Variants in FSTL4 observed in about 807,000 individuals in gnomAD.
FSTL4 encodes follistatin-related protein 4.
In FSTL4, 28 loss-of-function variants were observed where a neutral mutation model predicts 78.2. The observed-to-expected ratio is 0.36, with a 90% confidence interval of 0.27 to 0.49. The LOEUF is 0.49. Ranked by LOEUF, FSTL4 falls within the 20% of genes least tolerant of loss-of-function variation. The pLI is 0.98. For synonymous variants in FSTL4, 422 were observed against 440.5 expected (o/e 0.96, Z 0.53); for missense variants, 922 against 1,084.9 (o/e 0.85, Z 2.11).
chr5:133,228,054 C>T (rs1046279460), intron 8 of FSTL4, among the ~76,000 whole-genome samples: 2 of 151,980 alleles, frequency 1.3e-5, no homozygotes, highest in African/African-American at 2.4e-5. Flanking sequence ...TGGCAAAACC[C>T]CACCTCTATC....
intron 6 of FSTL4, among the ~76,000 whole-genome samples, chr5:133,286,759 C>A (rs901009927): frequency 1.3e-5 from 2 of 152,158 alleles, no homozygotes; most frequent in African/African-American, 4.8e-5. Context: ...AGCAGATCAG[C>A]CTTCTTTGCT....
At chr5:133,436,052 G>T (rs994940043) in intron 3 of FSTL4, among the ~76,000 whole-genome samples, 1 of 151,994 alleles carries the variant, frequency 6.6e-6, no homozygotes, top group African/African-American at 2.4e-5. Context: ...GAATACAGTG[G>T]TAATCACAAA....
the FSTL4 span, among the ~76,000 whole-genome samples, chr5:133,694,966 A>G: frequency 6.6e-6 from 1 of 152,144 alleles, no homozygotes; most frequent in Non-Finnish European, 1.5e-5. Context: ...TTAGGGCTTC[A>G]ACATACAAAT....
Position 133,199,004 on chromosome 5 carries a change from T to G in FSTL4, c.*91A>C. 2 of 781,612 alleles carry G rather than the reference T, an allele frequency of 2.6e-6. No homozygotes were observed. The highest frequency in any genetic ancestry group is 4.0e-6 in the Non-Finnish European group (2 of 504,910). The allele number at this position is 781,612 out of a possible 1,614,324, so 48.4% of individuals were successfully genotyped here. A position where few individuals can be genotyped will look rare whatever the true frequency, so the allele number is the denominator to read the frequency against. ...CACAAAGCGAGTACAGGTTTTTGCT[T>G]TTGTCTGTAAAAATGTACAGCGTAC... On this transcript the variant is annotated 3_prime_UTR_variant, in exon 16 of 16. Coordinates refer to ENST00000265342, the MANE Select transcript of FSTL4 (RefSeq NM_015082.2). The surrounding 1 kb of genome is among the most constrained non-coding windows in gnomAD (Gnocchi z 4.4).
At chr5:133,681,445 G>A in the FSTL4 span, among the ~76,000 whole-genome samples, 8 of 152,294 alleles carry the variant, frequency 5.3e-5, no homozygotes, top group South Asian at 2.1e-4. Context: ...ACTTGGCTGC[G>A]GCCCCCATGG....
chr5:133,572,037 T>C (rs1249469665), intron 2 of FSTL4, among the ~76,000 whole-genome samples: 1 of 152,152 alleles, frequency 6.6e-6, no homozygotes, highest in Non-Finnish European at 1.5e-5. Flanking sequence ...AAGCCAGAAA[T>C]TTGGGAATCT....
intron 4 of FSTL4, among the ~76,000 whole-genome samples, chr5:133,379,805 A>G (rs180758241): frequency 1.3e-5 from 2 of 152,352 alleles, no homozygotes; most frequent in East Asian, 3.9e-4. Flanking sequence ...GGCCAGGCAC[A>G]GTGGCTCATG....
chr5:133,233,682 G>A (rs1354163732), intron 7 of FSTL4, 145 bp from the exon 8 acceptor site: 3 of 951,630 alleles, frequency 3.2e-6, no homozygotes, highest in Non-Finnish European at 3.1e-6. Flanking sequence ...CTGTCTGCAG[G>A]GGTGAGCCGT....
intron 3 of FSTL4, among the ~76,000 whole-genome samples, chr5:133,507,730 C>T (rs1326828765): frequency 1.3e-5 from 2 of 151,734 alleles, no homozygotes; most frequent in African/African-American, 2.4e-5. Flanking sequence ...GCTATGTTGG[C>T]CAGGATGGTC....
rs1000994637 is a variant in FSTL4 at position 133,236,622 on chromosome 5, C to T, written c.895-3085G>A. Among the ~76,000 whole-genome samples the T allele has an allele frequency of 2.6e-5, 4 of 152,188 alleles. No homozygotes were observed. The highest frequency in any genetic ancestry group is 4.4e-5 in the Non-Finnish European group (3 of 68,032). On this transcript the variant is annotated intron_variant, in intron 7 of 15. Transcript: ENST00000265342. This position sits in a 1 kb window ranked among gnomAD's most constrained non-coding sequence, Gnocchi z 5.0. ...TCCGGCCCACAGACTCTGCCCTGAG[C>T]CAGCCACATCACGCCCCTCATACTC...
intron 3 of FSTL4, among the ~76,000 whole-genome samples, chr5:133,496,430 A>C (rs970612092): frequency 6.6e-6 from 1 of 152,122 alleles, no homozygotes; most frequent in African/African-American, 2.4e-5. Context: ...TTAAGACAAA[A>C]AAACCACAGT....
chr5:133,698,401 C>T, the FSTL4 span, among the ~76,000 whole-genome samples: 1 of 152,220 alleles, frequency 6.6e-6, no homozygotes, highest in Non-Finnish European at 1.5e-5. Context: ...GAATCACAGA[C>T]CTGAGTCCAA....
At chr5:133,513,338 C>A (rs1043792413) in intron 3 of FSTL4, among the ~76,000 whole-genome samples, 1 of 152,076 alleles carries the variant, frequency 6.6e-6, no homozygotes, top group Non-Finnish European at 1.5e-5. Flanking sequence ...TGAGGAGAAA[C>A]GTTGAATTGT....
In FSTL4 at chr5:133,225,863, C is replaced by T; in HGVS notation, c.1016-44G>A. On this transcript the variant is annotated intron_variant, in intron 8 of 15. Transcript: ENST00000265342. This position sits in a 1 kb window ranked among gnomAD's most constrained non-coding sequence, Gnocchi z 4.6. Reference sequence around the variant, plus strand: ...GCTGGTGAGAAAGAGACGGCCCTGACCTGGACTTGGGCCTGTGGCCCAACC... The same window carrying T: ...GCTGGTGAGAAAGAGACGGCCCTGATCTGGACTTGGGCCTGTGGCCCAACC... The T allele has an allele frequency of 6.8e-7, 1 of 1,463,496 alleles. No individual in the cohort carries two copies. The highest frequency in any genetic ancestry group is 1.5e-5 in the South Asian group (1 of 67,320). The allele number at this position is 1,463,496 out of a possible 1,614,324, so 90.7% of individuals were successfully genotyped here.
At chr5:133,672,057 A>G in the FSTL4 span, among the ~76,000 whole-genome samples, 1 of 152,222 alleles carries the variant, frequency 6.6e-6, no homozygotes, top group Admixed American at 6.5e-5. Context: ...TTTTTACACT[A>G]AGGTCGTACA....
the FSTL4 span, among the ~76,000 whole-genome samples, chr5:133,627,936 A>G: frequency 6.6e-6 from 1 of 151,834 alleles, no homozygotes; most frequent in African/African-American, 2.4e-5. Context: ...TCTTTGTATC[A>G]CTTTTACCTG....
In FSTL4 at chr5:133,236,599, C is replaced by T. The variant is rs896509954; in HGVS notation, c.895-3062G>A. ...GGGTGATGCCAGGGACCCCGGCTTC[C>T]GGCCCACAGACTCTGCCCTGAGCCA... On this transcript the variant is annotated intron_variant, in intron 7 of 15. Transcript: ENST00000265342. The surrounding 1 kb of genome is among the most constrained non-coding windows in gnomAD (Gnocchi z 5.0). Among the ~76,000 whole-genome samples the T allele has an allele frequency of 2.6e-5, 4 of 152,188 alleles. No individual in the cohort carries two copies. The highest frequency in any genetic ancestry group is 4.8e-5 in the African/African-American group (2 of 41,458).
At chr5:133,240,256 A>G (rs1277458212) in intron 7 of FSTL4, among the ~76,000 whole-genome samples, 1 of 152,236 alleles carries the variant, frequency 6.6e-6, no homozygotes, top group African/African-American at 2.4e-5. Flanking sequence ...CCGCGGCTTC[A>G]TTCTTGAAGT....
the FSTL4 span, among the ~76,000 whole-genome samples, chr5:133,703,186 T>C: frequency 6.6e-6 from 1 of 152,374 alleles, no homozygotes; most frequent in East Asian, 1.9e-4. Context: ...GGAAAATTAC[T>C]ATACAGTAAA....
Sources: allele counts gnomAD v4.1 joint callset (sites outside exome capture counted in the v4.1 genomes callset), GRCh38; gene constraint gnomAD v4.1.1; non-coding constraint Gnocchi (gnomAD v3.1); transcripts MANE v1.5; gene names NCBI Gene and HGNC (gene_info 2026-07-23, HGNC 2026-07-21).